Variants in ADCY8 observed in about 807,000 individuals in gnomAD.
ADCY8 encodes the protein adenylate cyclase 8, also known as adenylate cyclase type 8.
Under a neutral mutation model 119.7 loss-of-function variants are expected in ADCY8, and 51 were observed. The ratio of observed to expected loss-of-function variants is 0.43; its 90% confidence interval spans 0.34 to 0.54. The LOEUF is 0.54. Ranked by LOEUF, ADCY8 falls within the 20% of genes least tolerant of loss-of-function variation. The pLI is 0.03. For missense variants in ADCY8, 1,383 were observed against 1,598.8 expected (o/e 0.87, Z 2.30); for synonymous variants, 665 against 651.0 (o/e 1.02, Z -0.33).
intron 4 of ADCY8, among the ~76,000 whole-genome samples, chr8:130,939,267 A>C (rs1038900608): frequency 2.6e-5 from 4 of 152,180 alleles, no homozygotes; most frequent in African/African-American, 9.7e-5. Flanking sequence ...TACCTAAATA[A>C]ATTTAACATT....
chr8:130,994,731 CATT>C (rs1307557808), intron 1 of ADCY8, among the ~76,000 whole-genome samples: 1 of 152,146 alleles, frequency 6.6e-6, no homozygotes, highest in African/African-American at 2.4e-5. Context: ...TTTTACTAAA[CATT>C]ATTTTCTTTA....
chr8:130,988,451 C>A (rs943234213), intron 2 of ADCY8, among the ~76,000 whole-genome samples: 3 of 152,142 alleles, frequency 2.0e-5, no homozygotes, highest in African/African-American at 7.2e-5. Flanking sequence ...TCCAAGAAAT[C>A]AATGAAACTG....
At chr8:130,823,687 A>G (rs552416247) in intron 12 of ADCY8, among the ~76,000 whole-genome samples, 1 of 152,300 alleles carries the variant, frequency 6.6e-6, no homozygotes, top group South Asian at 2.1e-4. Context: ...TCATTACAGA[A>G]ATATTTATGC....
At position 130,839,198 on chromosome 8, in the gene ADCY8, G is replaced by A. The variant is rs183944552; in HGVS notation, c.2503-2749C>T. Among the ~76,000 whole-genome samples the A allele has an allele frequency of 2.2e-5, 3 of 139,304 alleles. 1 individual carries two copies. Among genetic ancestry groups the A allele is most frequent in the East Asian group, 4.5e-4 (2 of 4,460 alleles). 91.4% of individuals were successfully genotyped at this position (139,304 alleles called of 152,430 possible). On this transcript the variant is annotated intron_variant, in intron 11 of 17. Coordinates refer to ENST00000286355, the MANE Select transcript of ADCY8 (RefSeq NM_001115.3). ...GTTGCCCTCCTCCTTTCTCTAACAA[G>A]GCTGCTGAAGGTATAATAGGCAAAT... is the stretch of plus-strand genomic sequence containing the variant.
intron 5 of ADCY8, among the ~76,000 whole-genome samples, chr8:130,916,919 GT>G (rs1030750675): frequency 2.0e-5 from 3 of 152,180 alleles, no homozygotes; most frequent in Non-Finnish European, 4.4e-5. Context: ...ATATTTCTGT[GT>G]GTGTGTCTTT....
intron 2 of ADCY8, among the ~76,000 whole-genome samples, chr8:130,963,633 T>C (rs921539332): frequency 6.6e-6 from 1 of 152,102 alleles, no homozygotes; most frequent in African/African-American, 2.4e-5. Flanking sequence ...GGAGAGATGA[T>C]AGTCATGGTA....
rs752194525 is a variant in ADCY8 at position 130,909,674 on chromosome 8, C to T, written c.1640+34G>A. On this transcript the variant is annotated intron_variant, in intron 6 of 17. Coordinates refer to ENST00000286355, the MANE Select transcript of ADCY8 (RefSeq NM_001115.3). ...TGTCACAAAATAAGCCAATGACAAC[C>T]GTTAAGCATGAAAAGGGCTTTGCTT... 31 of 1,612,664 alleles carry T rather than the reference C, an allele frequency of 1.9e-5. 1 individual carries two copies. The South Asian group carries it at 2.3e-4, about 12-fold the overall frequency.
At chr8:130,924,288 TAGTTTGG>T (rs956165736) in intron 5 of ADCY8, among the ~76,000 whole-genome samples, 2 of 152,136 alleles carry the variant, frequency 1.3e-5, no homozygotes, top group African/African-American at 4.8e-5. Flanking sequence ...AGAAGAGCGT[TAGTTTGG>T]AGTTCCAAGC....
At chr8:130,814,371 T>C (rs1233332985) in intron 13 of ADCY8, 144 bp from the exon 14 acceptor site, 5 of 888,508 alleles carry the variant, frequency 5.6e-6, no homozygotes, top group Non-Finnish European at 8.3e-6. Flanking sequence ...TTGGGAGGCA[T>C]TTTGTTGGAA....
chr8:130,850,373 C>A (rs1384740066), intron 9 of ADCY8, among the ~76,000 whole-genome samples: 3 of 152,162 alleles, frequency 2.0e-5, no homozygotes, highest in Non-Finnish European at 2.9e-5. Flanking sequence ...AAACTCTCAT[C>A]AAAACTCTGT....
chr8:130,966,992 A>G (rs1821781593), intron 2 of ADCY8, among the ~76,000 whole-genome samples: 1 of 152,206 alleles, frequency 6.6e-6, no homozygotes, highest in Non-Finnish European at 1.5e-5. Context: ...CCCAGAAAAT[A>G]TAGGGGAAAT....
intron 2 of ADCY8, among the ~76,000 whole-genome samples, chr8:130,981,830 T>G (rs1438061136): frequency 6.6e-6 from 1 of 152,176 alleles, no homozygotes; most frequent in African/African-American, 2.4e-5. Flanking sequence ...GATCCAACAG[T>G]TCAAGGATCA....
chr8:130,932,346 C>A (rs1279456907), intron 5 of ADCY8, among the ~76,000 whole-genome samples: 1 of 152,166 alleles, frequency 6.6e-6, no homozygotes, highest in Non-Finnish European at 1.5e-5. Context: ...GTGGTCCTAT[C>A]TGCCATCGGG....
At chr8:131,037,674 G>A (rs934683880) in intron 1 of ADCY8, among the ~76,000 whole-genome samples, 1 of 151,994 alleles carries the variant, frequency 6.6e-6, no homozygotes, top group African/African-American at 2.4e-5. Flanking sequence ...AGGAGGAAGG[G>A]GAGGAAGACA....
intron 6 of ADCY8, among the ~76,000 whole-genome samples, chr8:130,907,070 C>T (rs1371736908): frequency 6.6e-6 from 1 of 151,984 alleles, no homozygotes; most frequent in African/African-American, 2.4e-5. Flanking sequence ...AGCACAACCA[C>T]AATAAATATT....
intron 1 of ADCY8, among the ~76,000 whole-genome samples, chr8:131,038,093 A>T (rs1824219654): frequency 6.6e-6 from 1 of 152,202 alleles, no homozygotes. Flanking sequence ...GGAATATAGA[A>T]CCATTGGAGA....
chr8:130,868,686 G>A (rs1818216382), intron 8 of ADCY8, among the ~76,000 whole-genome samples: 1 of 152,202 alleles, frequency 6.6e-6, no homozygotes, highest in Non-Finnish European at 1.5e-5. Context: ...TCCAGAAGGT[G>A]GGAAAGTTTT....
chr8:130,886,756 T>C (rs1156852680), intron 7 of ADCY8, among the ~76,000 whole-genome samples: 1 of 152,108 alleles, frequency 6.6e-6, no homozygotes, highest in African/African-American at 2.4e-5. Context: ...CATCTCTCAC[T>C]GTCTGATATT....
intron 13 of ADCY8, 22 bp downstream of exon 13, chr8:130,821,320 T>C: frequency 1.2e-6 from 2 of 1,605,500 alleles, no homozygotes; most frequent in Non-Finnish European, 1.7e-6. Context: ...AACAGAGCAG[T>C]CAGAGCGAAA....
Sources: allele counts gnomAD v4.1 joint callset (sites outside exome capture counted in the v4.1 genomes callset), GRCh38; gene constraint gnomAD v4.1.1; transcripts MANE v1.5; gene names NCBI Gene and HGNC (gene_info 2026-07-23, HGNC 2026-07-21).